The following CAMK2D variants were observed in gnomAD, a reference collection of about 807,000 sequenced individuals.
CAMK2D encodes calcium/calmodulin-dependent protein kinase type II subunit delta.
A neutral mutation model predicts 84.0 loss-of-function variants in CAMK2D; 37 were observed. The ratio of observed to expected loss-of-function variants is 0.44; its 90% CI spans 0.34 to 0.58. The LOEUF (loss-of-function observed/expected upper bound fraction) is 0.58. CAMK2D is among the 20% of genes least tolerant of loss of function. The probability of loss-of-function intolerance (pLI) is 0.02; values close to 1 mark genes in which losing one functional copy is unlikely to be tolerated. For synonymous variants in CAMK2D, 202 were observed against 212.5 expected (o/e 0.95, Z 0.43); for missense variants, 448 against 652.5 (o/e 0.69, Z 3.41).
chr4:113,477,804 T>C (rs2097649723), intron 16 of CAMK2D, among the ~76,000 whole-genome samples: 2 of 152,038 alleles, frequency 1.3e-5, no homozygotes, highest in Admixed American at 1.3e-4. Flanking sequence ...AAGGTGTTCT[T>C]AGTTTAACCA....
At chr4:113,725,080 T>A (rs956518698) in intron 2 of CAMK2D, among the ~76,000 whole-genome samples, 2 of 152,080 alleles carry the variant, frequency 1.3e-5, no homozygotes. Flanking sequence ...TAGATATGCA[T>A]TAAAACCCAT....
intron 16 of CAMK2D, among the ~76,000 whole-genome samples, chr4:113,487,751 A>G (rs746576813): frequency 1.3e-5 from 2 of 151,994 alleles, no homozygotes; most frequent in African/African-American, 2.4e-5. Context: ...GTAGCAGTGT[A>G]TTGTTTCTTT....
intron 3 of CAMK2D, among the ~76,000 whole-genome samples, chr4:113,635,265 T>C (rs911256149): frequency 3.9e-5 from 6 of 152,192 alleles, no homozygotes; most frequent in Non-Finnish European, 8.8e-5. Flanking sequence ...GAATGTAGCT[T>C]ACAGCCTAAA....
intron 6 of CAMK2D, among the ~76,000 whole-genome samples, chr4:113,538,483 A>G (rs2098508413): frequency 6.6e-6 from 1 of 152,198 alleles, no homozygotes. Context: ...TTTGGGGACA[A>G]AACCCAGCAA....
At chr4:113,703,860 G>T (rs1419693892) in intron 2 of CAMK2D, among the ~76,000 whole-genome samples, 1 of 150,700 alleles carries the variant, frequency 6.6e-6, no homozygotes, top group Non-Finnish European at 1.5e-5. Flanking sequence ...AAAATGGAGG[G>T]TGTATTTTCT....
intron 7 of CAMK2D, among the ~76,000 whole-genome samples, chr4:113,536,215 A>G (rs1032843157): frequency 6.6e-6 from 1 of 152,204 alleles, no homozygotes; most frequent in African/African-American, 2.4e-5. Context: ...AAGATAATGT[A>G]AAAGATAATA....
chr4:113,456,124 C>A (rs769006931), intron 19 of CAMK2D, among the ~76,000 whole-genome samples: 1 of 152,116 alleles, frequency 6.6e-6, no homozygotes, highest in South Asian at 2.1e-4. Context: ...TCCCTGTTGA[C>A]CCACTTTTTA....
chr4:113,509,650 T>C lies in CAMK2D; in HGVS notation c.972A>G (p.Pro324=). Reference sequence around the variant, plus strand: ...CTGTTTAACTTACCTTTACTCCATCTGGTTTCTTCAACAAACTCTTGGCTG... The same window carrying C: ...CTGTTTAACTTACCTTTACTCCATCCGGTTTCTTCAACAAACTCTTGGCTG... ...FSAAKSLLKK[P]DGVKINNKAN... is the part of the protein sequence containing the mutation. Residue 324 remains proline (P), a synonymous_variant, in exon 13 of 21, where the codon CCA becomes CCG. Coordinates refer to ENST00000511664, the MANE Select transcript of CAMK2D (RefSeq NM_001321571.2). 1 of 1,608,354 alleles carries C rather than the reference T, an allele frequency of 6.2e-7. No individual in the cohort carries two copies. The highest frequency in any genetic ancestry group is 1.1e-5 in the South Asian group (1 of 90,952).
At chr4:113,492,324 A>T (rs1190551598) in intron 16 of CAMK2D, among the ~76,000 whole-genome samples, 2 of 151,796 alleles carry the variant, frequency 1.3e-5, no homozygotes, top group African/African-American at 4.8e-5. Context: ...TGTGTCCCAG[A>T]GATTCTGGTA....
At chr4:113,754,196 C>A (rs1594181163) in intron 2 of CAMK2D, 1 of 957,606 alleles carries the variant, frequency 1.0e-6, no homozygotes, top group East Asian at 1.1e-4. Context: ...TTTAACACAG[C>A]CTCTATATAA....
intron 4 of CAMK2D, among the ~76,000 whole-genome samples, chr4:113,571,718 T>TA (rs1400274690): frequency 1.3e-5 from 2 of 151,914 alleles, no homozygotes; most frequent in African/African-American, 2.4e-5. Flanking sequence ...TACTAAAAAA[T>TA]AAAAAAATTA....
chr4:113,556,130 A>G (rs2098663156), intron 4 of CAMK2D, among the ~76,000 whole-genome samples: 1 of 152,198 alleles, frequency 6.6e-6, no homozygotes, highest in Admixed American at 6.5e-5. Flanking sequence ...TGCCAAGACT[A>G]AGTGCTGTTC....
chr4:113,751,268 G>A (rs2099616585), intron 2 of CAMK2D, among the ~76,000 whole-genome samples: 1 of 151,826 alleles, frequency 6.6e-6, no homozygotes, highest in African/African-American at 2.4e-5. Context: ...CCAGAACATT[G>A]CCTCAAAAAA....
chr4:113,563,917 A>G (rs2098710486), intron 4 of CAMK2D, among the ~76,000 whole-genome samples: 1 of 152,200 alleles, frequency 6.6e-6, no homozygotes, highest in African/African-American at 2.4e-5. Flanking sequence ...AAAGGGGAAG[A>G]GGGAACTTAG....
At chr4:113,686,038 G>A (rs1441268374) in intron 2 of CAMK2D, among the ~76,000 whole-genome samples, 1 of 151,432 alleles carries the variant, frequency 6.6e-6, no homozygotes, top group East Asian at 1.9e-4. Flanking sequence ...ACTCCAGCCT[G>A]GGCAACAGAA....
In CAMK2D at chr4:113,537,453, G is replaced by T; in HGVS notation, c.415-10C>A. On this transcript the variant is annotated splice_polypyrimidine_tract_variant and intron_variant, in intron 6 of 20. Coordinates refer to ENST00000511664, the MANE Select transcript of CAMK2D (RefSeq NM_001321571.2). The stretch of plus-strand genomic sequence containing the variant: ...AAAGCAAATTCTCAGGCTTTATTTA[G>T]AAAGAAAAAAAAAGAGACTGAAGTG... 1.3e-6 allele frequency: 2 copies of T among 1,513,144 alleles called. No individual in the cohort carries two copies. Among genetic ancestry groups the T allele is most frequent in the Non-Finnish European group, 1.8e-6 (2 of 1,100,834 alleles). The allele number at this position is 1,513,144 out of a possible 1,614,324, so 93.7% of individuals were successfully genotyped here. A position where few individuals can be genotyped will look rare whatever the true frequency, so the allele number is the denominator to read the frequency against.
chr4:113,702,340 T>A (rs765667705), intron 2 of CAMK2D, among the ~76,000 whole-genome samples: 2 of 152,206 alleles, frequency 1.3e-5, no homozygotes, highest in African/African-American at 4.8e-5. Context: ...CTGGTGCACA[T>A]GCATTTTTTA....
chr4:113,601,683 C>CTTTTT (rs755850795), intron 4 of CAMK2D, among the ~76,000 whole-genome samples: 1 of 45,834 alleles, frequency 2.2e-5, no homozygotes, highest in African/African-American at 9.5e-5. Flanking sequence ...ACTGTTTATT[C>CTTTTT]TTTTTTTTTT....
intron 2 of CAMK2D, among the ~76,000 whole-genome samples, chr4:113,712,064 G>A (rs941387772): frequency 6.6e-6 from 1 of 152,072 alleles, no homozygotes; most frequent in African/African-American, 2.4e-5. Flanking sequence ...TCCACTTTTA[G>A]AAATTCATTC....
Sources: allele counts gnomAD v4.1 joint callset (sites outside exome capture counted in the v4.1 genomes callset), GRCh38; gene constraint gnomAD v4.1.1; transcripts MANE v1.5; gene names NCBI Gene and HGNC (gene_info 2026-07-23, HGNC 2026-07-21).